The following ATP11C variants were observed in gnomAD, a reference collection of about 807,000 sequenced individuals.
ATP11C encodes phospholipid-transporting ATPase IG.
A neutral mutation model predicts 97.4 loss-of-function variants in ATP11C; 36 were observed. That is an observed-to-expected ratio of 0.37 (90% CI 0.28 to 0.49). ATP11C has a LOEUF of 0.49. Among genes scored for constraint, ATP11C ranks in the 20% least tolerant of loss-of-function variants. The pLI is 0.98. For missense variants in ATP11C, 730 were observed against 824.6 expected, an observed-to-expected ratio of 0.89 and a Z score of 1.40; for synonymous variants, 275 against 290.9, an observed-to-expected ratio of 0.95 and a Z score of 0.56.
At chrX:139,820,249 A>G (rs945819056) in intron 2 of ATP11C, among the ~76,000 whole-genome samples, 3 of 108,173 alleles carry the variant, frequency 2.8e-5, no homozygotes, top group Non-Finnish European at 3.8e-5. Context: ...AAAAATACAA[A>G]ACTTAGCTGG....
chrX:139,842,570 G>A (rs1217700695), intron 1 of ATP11C, among the ~76,000 whole-genome samples: 1 of 112,458 alleles, frequency 8.9e-6, no homozygotes, highest in Non-Finnish European at 1.9e-5. Context: ...AACACAAGTA[G>A]GACATAAGTG....
upstream of ATP11C, chrX:139,933,203 G>A (rs748465104): frequency 9.0e-6 from 1 of 110,549 alleles, no homozygotes; most frequent in Non-Finnish European, 1.9e-5. Context: ...ACCGCGGGCT[G>A]GGAGCTCCCC....
chrX:139,762,873 C>G (rs753576210), intron 21 of ATP11C, among the ~76,000 whole-genome samples: 299 of 111,553 alleles, frequency 2.7e-3, no homozygotes, highest in Non-Finnish European at 4.9e-3. Context: ...CCCAAACCAC[C>G]CATTAATACT....
intron 29 of ATP11C, among the ~76,000 whole-genome samples, chrX:139,729,847 A>G (rs1219045974): frequency 8.9e-6 from 1 of 112,051 alleles, no homozygotes; most frequent in East Asian, 2.8e-4. Flanking sequence ...CCATTCTGGG[A>G]CACCTCCTTT....
At chrX:139,754,659 G>A (rs762486238) in intron 23 of ATP11C, among the ~76,000 whole-genome samples, 56 of 112,270 alleles carry the variant, frequency 5.0e-4, no homozygotes, top group African/African-American at 1.6e-3. Context: ...CCATGATCAG[G>A]CAGGCTTTAT....
chrX:139,902,018 A>G (rs763578132), intron 1 of ATP11C, among the ~76,000 whole-genome samples: 1 of 111,400 alleles, frequency 9.0e-6, no homozygotes, highest in Admixed American at 9.5e-5. Context: ...AGCTAAAGGG[A>G]AAAGTCAAAC....
chrX:139,914,026 C>T (rs2085117864), intron 1 of ATP11C, among the ~76,000 whole-genome samples: 2 of 111,613 alleles, frequency 1.8e-5, no homozygotes, highest in African/African-American at 3.3e-5. Context: ...TCAAAAGATT[C>T]GCTCACTCGT....
At chrX:139,751,649 G>T (rs1364687192) in intron 23 of ATP11C, among the ~76,000 whole-genome samples, 1 of 110,915 alleles carries the variant, frequency 9.0e-6, no homozygotes, top group East Asian at 2.9e-4. Context: ...GTTTCACTAT[G>T]GTACTTTAAA....
At chrX:139,750,813 T>G (rs2081797091) in intron 23 of ATP11C, among the ~76,000 whole-genome samples, 1 of 111,719 alleles carries the variant, frequency 9.0e-6, no homozygotes, top group Admixed American at 9.5e-5. Flanking sequence ...GATGAATAAA[T>G]GAATGAGGAT....
chrX:139,796,378 T>C lies in ATP11C; in HGVS notation c.1101A>G (p.Lys367=). The change falls in exon 12 of 30, where the codon AAA becomes AAG. Residue 367 remains lysine, a synonymous_variant. Coordinates refer to ENST00000682941, the MANE Select transcript of ATP11C (RefSeq NM_001353812.2). ...VSMYVTVEMQ[K]FLGSFFISWD... ...ATGAGATGAAGAAGGAGCCCAAGAA[T>C]TTCTGCATTTCTACTGTGACGTACA... is the stretch of plus-strand genomic sequence containing the variant. 2 of 1,202,391 alleles carry C rather than the reference T, an allele frequency of 1.7e-6. No homozygotes were observed. The highest frequency in any genetic ancestry group is 2.3e-6 in the Non-Finnish European group (2 of 887,408).
At chrX:139,795,361 C>T (rs959621516) in intron 12 of ATP11C, among the ~76,000 whole-genome samples, 1 of 111,338 alleles carries the variant, frequency 9.0e-6, no homozygotes, top group Non-Finnish European at 1.9e-5. Context: ...GCATGGACTG[C>T]GGAGAGGCCT....
intron 28 of ATP11C, among the ~76,000 whole-genome samples, chrX:139,737,577 C>T (rs920560742): frequency 1.8e-5 from 2 of 111,038 alleles, no homozygotes; most frequent in African/African-American, 3.3e-5. Flanking sequence ...AAGTTTAAAG[C>T]GAAAATGTTG....
chrX:139,800,022 C>G (rs756016803), intron 8 of ATP11C, 38 bp downstream of exon 8: 41 of 596,119 alleles, frequency 6.9e-5, no homozygotes, highest in East Asian at 5.7e-4. Flanking sequence ...GACCCCCCCC[C>G]CCAACCAAAG....
intron 1 of ATP11C, among the ~76,000 whole-genome samples, chrX:139,918,748 A>T (rs2085199480): frequency 9.2e-6 from 1 of 109,104 alleles, no homozygotes; most frequent in Non-Finnish European, 1.9e-5. Context: ...GGAGGACTTT[A>T]TGCTAAGTGA....
At chrX:139,915,728 G>A (rs972454661) in intron 1 of ATP11C, among the ~76,000 whole-genome samples, 4 of 111,692 alleles carry the variant, frequency 3.6e-5, no homozygotes, top group African/African-American at 1.3e-4. Context: ...TTATACTGGA[G>A]TATTTTTTAA....
chrX:139,740,420 G>A (rs1262148612), intron 27 of ATP11C, among the ~76,000 whole-genome samples: 3 of 111,126 alleles, frequency 2.7e-5, no homozygotes, highest in Non-Finnish European at 5.7e-5. Context: ...GAACCAAGAT[G>A]AACTAAATGA....
At chrX:139,918,682 A>G (rs1358720647) in intron 1 of ATP11C, among the ~76,000 whole-genome samples, 2 of 108,006 alleles carry the variant, frequency 1.9e-5, no homozygotes, top group Non-Finnish European at 3.8e-5. Flanking sequence ...TTTCAAAAAA[A>G]AAAAAAAAAA....
chrX:139,857,256 C>G (rs2084105900), intron 1 of ATP11C, among the ~76,000 whole-genome samples: 2 of 111,204 alleles, frequency 1.8e-5, no homozygotes, highest in African/African-American at 6.5e-5. Flanking sequence ...TTTAGAAAAT[C>G]AAGCAAAACA....
intron 1 of ATP11C, among the ~76,000 whole-genome samples, chrX:139,890,596 A>C (rs1350887907): frequency 8.9e-6 from 1 of 112,039 alleles, no homozygotes; most frequent in Non-Finnish European, 1.9e-5. Context: ...AGGAAGAAGT[A>C]AACTGAAAAA....
Sources: gnomAD v4.1 joint callset for allele counts (sites outside exome capture counted in the v4.1 genomes callset) on GRCh38, gnomAD v4.1.1 for gene constraint, MANE v1.5 for transcripts, NCBI Gene and HGNC (gene_info 2026-07-23, HGNC 2026-07-21) for gene names.